Variants in AP4B1 observed in about 807,000 individuals in gnomAD.
AP4B1 encodes the protein AP-4 complex subunit beta-1.
In AP4B1, 49 loss-of-function variants were observed where a neutral mutation model predicts 76.5. The ratio of observed to expected loss-of-function variants is 0.64; its 90% CI spans 0.51 to 0.81. The LOEUF is 0.81. Ranked by LOEUF, AP4B1 falls within the 40% of genes least tolerant of loss-of-function variation. The pLI, the probability that AP4B1 is intolerant of heterozygous loss-of-function variation, is 0.00. For synonymous variants in AP4B1, 330 were observed against 333.3 expected, an observed-to-expected ratio of 0.99 and a Z score of 0.11; for missense variants, 911 against 904.9, an observed-to-expected ratio of 1.01 and a Z score of -0.09.
chr1:113,897,003 C>T (rs1456568533), intron 7 of AP4B1: 2 of 162,630 alleles, frequency 1.2e-5, no homozygotes, highest in Admixed American at 5.8e-5. Context: ...ATTAGCCAGG[C>T]GTGGTGGTGC....
chr1:113,896,155 C>A, intron 8 of AP4B1, 103 bp downstream of exon 8: 1 of 1,594,736 alleles, frequency 6.3e-7, no homozygotes, highest in Non-Finnish European at 8.6e-7. Context: ...GAAGCATTCA[C>A]ATTTTCTTCT....
rs753689439 is a variant in AP4B1 at position 113,895,259 on chromosome 1, AC to A, written c.2025del (p.Ser676LeufsTer19). On this transcript the variant is annotated frameshift_variant, in exon 10 of 10. Transcript: ENST00000369569. LOFTEE classifies it high-confidence loss of function. ...NIQTIAMSRA[G>X]SRPWKAYLSA... ...CTGAGGTATGCTTTCCATGGCCGAG[AC>A]CCAGCCCTACTCATTGCGATGGTCT... The A allele has an allele frequency of 6.2e-7, 1 of 1,614,146 alleles. No homozygotes were observed. The highest frequency in any genetic ancestry group is 8.5e-7 in the Non-Finnish European group (1 of 1,180,040).
intron 5 of AP4B1, chr1:113,899,120 C>T: frequency 8.5e-7 from 1 of 1,172,176 alleles, no homozygotes; most frequent in South Asian, 2.0e-5. Flanking sequence ...TTTGTTGCAG[C>T]ACACCTGCAA....
chr1:113,898,313 A>G (rs1667746347), intron 6 of AP4B1, among the ~76,000 whole-genome samples: 1 of 152,196 alleles, frequency 6.6e-6, no homozygotes, highest in Admixed American at 6.5e-5. Context: ...TCAAAATTGA[A>G]GAAGACATGC....
Position 113,904,762 on chromosome 1 carries a change from TC to T in AP4B1, c.-46del. On this transcript the variant is annotated 5_prime_UTR_variant, in exon 1 of 10. Transcript: ENST00000369569. Reference sequence around the variant, plus strand: ...CAGCTCCCACAGCTCCCACGGTAACTCGAGGGCTCCTTCTCGTCCTGATGTG... The same window carrying T: ...CAGCTCCCACAGCTCCCACGGTAACTGAGGGCTCCTTCTCGTCCTGATGTG... 6.6e-7 allele frequency: 1 copy of T among 1,519,270 alleles called. No individual in the cohort carries two copies. Among genetic ancestry groups the T allele is most frequent in the Non-Finnish European group, 9.1e-7 (1 of 1,095,362 alleles). The allele number at this position is 1,519,270 out of a possible 1,614,324, so 94.1% of individuals were successfully genotyped here. A position where few individuals can be genotyped will look rare whatever the true frequency, so the allele number is the denominator to read the frequency against.
chr1:113,902,577 TA>T, intron 2 of AP4B1, 60 bp downstream of exon 2: 1 of 1,528,602 alleles, frequency 6.5e-7, no homozygotes, highest in Middle Eastern at 2.3e-4. Flanking sequence ...TTTAAAAACC[TA>T]CCCTGTGATC....
chr1:113,904,894 C>T, upstream of AP4B1: 1 of 631,544 alleles, frequency 1.6e-6, no homozygotes, highest in African/African-American at 1.8e-5. Context: ...CACACTTCCA[C>T]GCCCTCCGCG....
At chr1:113,897,338 T>C (rs1020613439) in intron 7 of AP4B1, 3 of 184,024 alleles carry the variant, frequency 1.6e-5, no homozygotes, top group African/African-American at 7.1e-5. Flanking sequence ...ATGCCTGTAA[T>C]CCTAGCTCTC....
At chr1:113,898,027 T>C (rs915391865) in intron 6 of AP4B1, 84 bp from the exon 7 acceptor site, 27 of 1,600,616 alleles carry the variant, frequency 1.7e-5, no homozygotes, top group Non-Finnish European at 2.3e-5. Context: ...GTATTCAGAC[T>C]CATGATTCTG....
In AP4B1 at chr1:113,900,347, C is replaced by T. The variant is rs968023503; in HGVS notation, c.671G>A (p.Arg224His). ...TTCTTCCTCACTGCGGGGTTGGTAG[C>T]GTAGCAGAAAGTTCAATACTTCAGC... ...GQAEVLNFLLRYQPRSEEELF... is the reference protein window; with the variant it reads ...GQAEVLNFLLHYQPRSEEELF... Residue 224 changes from arginine (R) to histidine (H), a missense_variant, in exon 5 of 10, where the codon CGC becomes CAC. Physicochemically the swap from Arg to His is conservative, Grantham distance 29. Transcript: ENST00000369569. 7 of 1,611,078 alleles carry T rather than the reference C, an allele frequency of 4.3e-6. No homozygotes were observed. Among genetic ancestry groups the T allele is most frequent in the East Asian group, 4.5e-5 (2 of 44,856 alleles).
chr1:113,898,704 A>C lies in AP4B1; in HGVS notation c.1198+14T>G. Reference sequence around the variant, plus strand: ...TGACAAAAAAAACAAAAATCCTAAAAAGGCAGGCATTACCTGTGGTAATGT... The same window carrying C: ...TGACAAAAAAAACAAAAATCCTAAACAGGCAGGCATTACCTGTGGTAATGT... On this transcript the variant is annotated intron_variant, in intron 6 of 9. Coordinates refer to ENST00000369569, the MANE Select transcript of AP4B1 (RefSeq NM_001253852.3). 1 of 1,604,892 alleles carries C rather than the reference A, an allele frequency of 6.2e-7. No individual in the cohort carries two copies.
In AP4B1 at chr1:113,895,917, A is replaced by C; in HGVS notation, c.1632T>G (p.Leu544=). 1 of 1,614,214 alleles carries C rather than the reference A, an allele frequency of 6.2e-7. No individual in the cohort carries two copies. Among genetic ancestry groups the C allele is most frequent in the Non-Finnish European group, 8.5e-7 (1 of 1,180,038 alleles). Reference sequence around the variant, plus strand: ...CAGGTCTTTCTGCCGGATCCTCCAAAAGTCCAAGAGTAGGGTCAGATTTAG... The same window carrying C: ...CAGGTCTTTCTGCCGGATCCTCCAACAGTCCAAGAGTAGGGTCAGATTTAG... ...CSPKSDPTLG[L]LEDPAERPVN... Residue 544 remains leucine (L), a synonymous_variant, in exon 9 of 10, where the codon CTT becomes CTG. Transcript: ENST00000369569.
At position 113,895,101 on chromosome 1, in the gene AP4B1, T is replaced by C; in HGVS notation, c.2184A>G (p.Glu728=). ...ETLNSFISVL[E]TVIGTIEEIK... The stretch of plus-strand genomic sequence containing the variant: ...TTTCTTCAATTGTTCCAATCACAGT[T>C]TCTAATACAGAAATAAAACTATTCA... Residue 728 remains glutamate (E), a synonymous_variant, in exon 10 of 10, where the codon GAA becomes GAG. Transcript: ENST00000369569. 6.2e-7 allele frequency: 1 copy of C among 1,614,106 alleles called. No homozygotes were observed. Among genetic ancestry groups the C allele is most frequent in the Non-Finnish European group, 8.5e-7 (1 of 1,179,974 alleles).
Position 113,895,925 on chromosome 1 carries a change from G to A in AP4B1, c.1624C>T (p.Leu542Phe), listed in dbSNP as rs939158623. The A allele has an allele frequency of 1.2e-6, 2 of 1,614,194 alleles. No homozygotes were observed. The highest frequency in any genetic ancestry group is 8.5e-7 in the Non-Finnish European group (1 of 1,180,042). Residue 542 changes from leucine (L) to phenylalanine (F), a missense_variant, in exon 9 of 10, where the codon CTT becomes TTT. Leu to Phe is a conservative substitution (Grantham distance 22, BLOSUM62 0). Transcript: ENST00000369569. ...ILCSPKSDPT[L>F]GLLEDPAERP... ...TCTGCCGGATCCTCCAAAAGTCCAA[G>A]AGTAGGGTCAGATTTAGGGCTACAC... is the stretch of plus-strand genomic sequence containing the variant.
chr1:113,895,521 G>A, intron 9 of AP4B1, 29 bp from the exon 10 acceptor site: 2 of 1,613,288 alleles, frequency 1.2e-6, no homozygotes, highest in Non-Finnish European at 8.5e-7. Flanking sequence ...TTGTGTGAAA[G>A]ATGTTCTTAA....
chr1:113,904,072 G>A (rs1668653344), intron 1 of AP4B1, among the ~76,000 whole-genome samples: 1 of 152,174 alleles, frequency 6.6e-6, no homozygotes, highest in Admixed American at 6.5e-5. Flanking sequence ...ATGAAGGCCT[G>A]GACCAGAACA....
In AP4B1 at chr1:113,895,114, A is replaced by C; in HGVS notation, c.2171T>G (p.Ile724Ser). 6.2e-7 allele frequency: 1 copy of C among 1,614,188 alleles called. No individual in the cohort carries two copies. Among genetic ancestry groups the C allele is most frequent in the Non-Finnish European group, 8.5e-7 (1 of 1,180,010 alleles). The change falls in exon 10 of 10, where the codon ATT becomes AGT. Residue 724 changes from isoleucine to serine, a missense_variant. By Grantham distance (142) the Ile-to-Ser change is moderately radical. Transcript: ENST00000369569. ...TCCAATCACAGTTTCTAATACAGAAATAAAACTATTCAGCGTCTCCGTTCT... is the reference window on the plus strand; with the variant it reads ...TCCAATCACAGTTTCTAATACAGAACTAAAACTATTCAGCGTCTCCGTTCT... Reference protein sequence around the residue: ...EARTETLNSFISVLETVIGTI... With the variant: ...EARTETLNSFSSVLETVIGTI...
At chr1:113,899,791 G>A (rs1293176297) in intron 5 of AP4B1, 113 bp downstream of exon 5, 2 of 1,548,360 alleles carry the variant, frequency 1.3e-6, no homozygotes. Flanking sequence ...TTAGTGCATA[G>A]TACTTTGCTT....
chr1:113,902,133 G>A (rs772689205), intron 2 of AP4B1: 9 of 495,678 alleles, frequency 1.8e-5, no homozygotes, highest in Non-Finnish European at 2.2e-5. Context: ...TTGAATTCCC[G>A]GGCCCAAGCC....
Sources: allele counts gnomAD v4.1 joint callset (sites outside exome capture counted in the v4.1 genomes callset), GRCh38; gene constraint gnomAD v4.1.1; transcripts MANE v1.5; gene names NCBI Gene and HGNC (gene_info 2026-07-23, HGNC 2026-07-21).